The following PTPRC variants were observed in gnomAD, a reference collection of about 807,000 sequenced individuals.
PTPRC encodes the protein receptor-type tyrosine-protein phosphatase C.
PTPRC carries 44 observed loss-of-function variants against 155.9 expected under a neutral mutation model. The ratio of observed to expected loss-of-function variants is 0.28; its 90% confidence interval spans 0.22 to 0.36. PTPRC has a LOEUF of 0.36. Ranked by LOEUF, PTPRC falls within the 10% of genes least tolerant of loss-of-function variation. The pLI, the probability that PTPRC is intolerant of heterozygous loss-of-function variation, is 1.00. For missense variants in PTPRC, 1,401 were observed against 1,564.6 expected (o/e 0.90, Z 1.76); for synonymous variants, 525 against 533.1 (o/e 0.98, Z 0.21).
chr1:198,694,287 G>A (rs1435870662), intron 3 of PTPRC: 4 of 556,886 alleles, frequency 7.2e-6, no homozygotes, highest in Non-Finnish European at 9.3e-6. Context: ...AGCCGTGCTG[G>A]CAGTTGCTTG....
At chr1:198,729,732 A>C (rs1193136345) in intron 17 of PTPRC, among the ~76,000 whole-genome samples, 2 of 152,204 alleles carry the variant, frequency 1.3e-5, no homozygotes, top group African/African-American at 4.8e-5. Context: ...TTAGAATCTA[A>C]TAGAGGAAAG....
At chr1:198,754,240 T>C (rs769355985) in intron 31 of PTPRC, 29 bp from the exon 32 acceptor site, 10 of 1,591,794 alleles carry the variant, frequency 6.3e-6, no homozygotes, top group Non-Finnish European at 8.6e-6. Flanking sequence ...AGAAGTAGGA[T>C]TATTTTCTAT....
In PTPRC at chr1:198,735,162, G is replaced by C. The variant is rs758572135; in HGVS notation, c.2313G>C (p.Glu771Asp). The change falls in exon 23 of 33, where the codon GAG becomes GAC. Residue 771 changes from glutamate (E) to aspartate (D), a missense_variant. By Grantham distance (45) the Glu-to-Asp change is conservative. This residue lies in a region of PTPRC where 867 missense variants were observed against 970.4 expected (regional missense o/e 0.89). Transcript: ENST00000442510. ...CAGAATACTGGCCGTCAATGGAAGA[G>C]GGCACTCGGGCTTTTGGAGATGTTG... is the stretch of plus-strand genomic sequence containing the variant. ...KCAEYWPSMEEGTRAFGDVVV... is the reference protein window; with the variant it reads ...KCAEYWPSMEDGTRAFGDVVV... 6.2e-7 allele frequency: 1 copy of C among 1,603,474 alleles called. No homozygotes were observed. Among genetic ancestry groups the C allele is most frequent in the Non-Finnish European group, 8.5e-7 (1 of 1,173,636 alleles).
intron 14 of PTPRC, among the ~76,000 whole-genome samples, chr1:198,718,777 A>C (rs895079746): frequency 4.6e-5 from 7 of 152,156 alleles, no homozygotes; most frequent in Admixed American, 2.0e-4. Flanking sequence ...TACTGATCGT[A>C]TTTTGTACAT....
rs755297330 is a variant in PTPRC, at chr1:198,742,246, G to A, written c.2576G>A (p.Arg859His). The A allele has an allele frequency of 6.2e-7, 1 of 1,611,990 alleles. No homozygotes were observed. The highest frequency in any genetic ancestry group is 8.5e-7 in the Non-Finnish European group (1 of 1,178,832). Reference sequence around the variant, plus strand: ...TGGTTTGCCAGTGCTGGTGTTGGGCGCACAGGAACCTATATCGGAATTGAT... The same window carrying A: ...TGGTTTGCCAGTGCTGGTGTTGGGCACACAGGAACCTATATCGGAATTGAT... ...IVVHCSAGVG[R>H]TGTYIGIDAM... Residue 859 changes from arginine (R) to histidine (H), a missense_variant, in exon 25 of 33, where the codon CGC becomes CAC. Physicochemically the swap from Arg to His is conservative, Grantham distance 29. Transcript: ENST00000442510.
Position 198,750,553 on chromosome 1 carries a change from A to T in PTPRC, c.3134A>T (p.Asp1045Val). 6.2e-7 allele frequency: 1 copy of T among 1,612,288 alleles called. No homozygotes were observed. Among genetic ancestry groups the T allele is most frequent in the Non-Finnish European group, 8.5e-7 (1 of 1,178,664 alleles). The change falls in exon 29 of 33, where the codon GAC becomes GTC. Residue 1045 changes from aspartate to valine, a missense_variant. By Grantham distance (152) the Asp-to-Val change is radical. This residue lies in a region of PTPRC where 400 missense variants were observed against 389.5 expected (regional missense o/e 1.03). Transcript: ENST00000442510. ...AQGPLKETIG[D>V]FWQMIFQRKV... is the part of the protein sequence containing the mutation. ...GGACCACTGAAGGAGACCATTGGTG[A>T]CTTTTGGCAGATGATCTTCCAAAGA...
At chr1:198,697,711 A>G (rs986978108) in intron 4 of PTPRC, among the ~76,000 whole-genome samples, 1 of 152,202 alleles carries the variant, frequency 6.6e-6, no homozygotes, top group Non-Finnish European at 1.5e-5. Flanking sequence ...TTATAGACAT[A>G]CTCTGATAAA....
chr1:198,702,972 A>G (rs1666536285), intron 6 of PTPRC, among the ~76,000 whole-genome samples: 1 of 152,242 alleles, frequency 6.6e-6, no homozygotes, highest in African/African-American at 2.4e-5. Context: ...ATTTTAAAAG[A>G]GTAATTGTGA....
chr1:198,696,510 T>C (rs1666210615), intron 3 of PTPRC, among the ~76,000 whole-genome samples: 1 of 152,156 alleles, frequency 6.6e-6, no homozygotes, highest in Admixed American at 6.5e-5. Context: ...TATATATGCA[T>C]GCATATATGT....
In PTPRC at chr1:198,704,528, C is replaced by T. The variant is rs762940145; in HGVS notation, c.685+30C>T. 8 of 1,613,782 alleles carry T rather than the reference C, an allele frequency of 5.0e-6. No homozygotes were observed. In the South Asian group the frequency reaches 8.8e-5, roughly 18 times the overall value. ...GTTTATTTACTTAGAATCAGCATAC[C>T]TCACTTTGGAATAGCACTTTAATTA... On this transcript the variant is annotated intron_variant, in intron 8 of 32. Coordinates refer to ENST00000442510, the MANE Select transcript of PTPRC (RefSeq NM_002838.5).
chr1:198,744,242 C>A (rs1204955096), intron 26 of PTPRC, 39 bp downstream of exon 26: 1 of 1,552,706 alleles, frequency 6.4e-7, no homozygotes, highest in African/African-American at 1.4e-5. Flanking sequence ...TTACAGATAA[C>A]TTTTATTCAG....
rs775041537 is a variant in PTPRC, at chr1:198,702,539, A to G, written c.583+9A>G. The stretch of plus-strand genomic sequence containing the variant: ...CACAGCGAACACCTCAGGTCTGACT[A>G]TGCTGCTCTAGTAGTGTCTTCAGTT... On this transcript the variant is annotated intron_variant, in intron 6 of 32. Transcript: ENST00000442510. 6.2e-7 allele frequency: 1 copy of G among 1,614,150 alleles called. No homozygotes were observed. The highest frequency in any genetic ancestry group is 1.3e-5 in the African/African-American group (1 of 75,048).
intron 3 of PTPRC, chr1:198,693,351 A>G: frequency 4.7e-6 from 1 of 211,122 alleles, no homozygotes; most frequent in Non-Finnish European, 8.2e-6. Flanking sequence ...AATAAAAGTC[A>G]TTCTTGCATA....
At chr1:198,723,727 A>C (rs1654000590) in intron 15 of PTPRC, among the ~76,000 whole-genome samples, 1 of 152,226 alleles carries the variant, frequency 6.6e-6, no homozygotes, top group Admixed American at 6.5e-5. Flanking sequence ...CATGCTAGCA[A>C]GGGAGCCTGG....
At position 198,742,033 on chromosome 1, in the gene PTPRC, A is replaced by T; in HGVS notation, c.2561+7A>T. On this transcript the variant is annotated splice_region_variant and intron_variant, in intron 24 of 32. Transcript: ENST00000442510. Reference sequence around the variant, plus strand: ...CCATTGTGGTGCACTGCAGGTAGGAAAAACGAACAAAAAAAAAAAACAACA... The same window carrying T: ...CCATTGTGGTGCACTGCAGGTAGGATAAACGAACAAAAAAAAAAAACAACA... 2 of 1,609,174 alleles carry T rather than the reference A, an allele frequency of 1.2e-6. No individual in the cohort carries two copies. The highest frequency in any genetic ancestry group is 1.7e-6 in the Non-Finnish European group (2 of 1,177,930).
At chr1:198,654,998 C>T (rs1663476418) in intron 2 of PTPRC, among the ~76,000 whole-genome samples, 1 of 151,818 alleles carries the variant, frequency 6.6e-6, no homozygotes, top group Non-Finnish European at 1.5e-5. Context: ...GTTTTTTCTT[C>T]TATTTTTATT....
intron 4 of PTPRC, among the ~76,000 whole-genome samples, chr1:198,697,482 G>C (rs1021741951): frequency 6.6e-6 from 1 of 152,148 alleles, no homozygotes; most frequent in African/African-American, 2.4e-5. Flanking sequence ...GTAAATTAAA[G>C]GCAATGTAGC....
intron 2 of PTPRC, among the ~76,000 whole-genome samples, chr1:198,660,325 CA>C (rs1663884791): frequency 6.6e-6 from 1 of 151,798 alleles, no homozygotes; most frequent in Non-Finnish European, 1.5e-5. Context: ...TTACTGTGTT[CA>C]GGGTTTTATC....
chr1:198,718,322 A>G lies in PTPRC; in HGVS notation c.1659+20A>G. On this transcript the variant is annotated intron_variant, in intron 14 of 32. Transcript: ENST00000442510. ...TTTAAGGTAAAAGTATGCTCTCTACATTACTATAGTACCAACTACATTATA... is the reference window on the plus strand; with the variant it reads ...TTTAAGGTAAAAGTATGCTCTCTACGTTACTATAGTACCAACTACATTATA... 2 of 1,557,632 alleles carry G rather than the reference A, an allele frequency of 1.3e-6. No individual in the cohort carries two copies. Among genetic ancestry groups the G allele is most frequent in the East Asian group, 2.3e-5 (1 of 44,394 alleles).
Sources: allele counts gnomAD v4.1 joint callset (sites outside exome capture counted in the v4.1 genomes callset), GRCh38; gene constraint gnomAD v4.1.1; regional missense constraint gnomAD v4.1.1; transcripts MANE v1.5; gene names NCBI Gene and HGNC (gene_info 2026-07-23, HGNC 2026-07-21).